EPN2: variants seen among roughly 807,000 people sequenced by gnomAD.
The protein encoded by EPN2 is epsin 2.
In EPN2, 34 loss-of-function variants were observed where a neutral mutation model predicts 61.7. The ratio of observed to expected loss-of-function variants is 0.55; its 90% confidence interval spans 0.42 to 0.73. The LOEUF (loss-of-function observed/expected upper bound fraction) is 0.73, where lower values mean the gene tolerates loss of function less well. Ranked by LOEUF, EPN2 falls within the 30% of genes least tolerant of loss-of-function variation. The pLI is 0.00. For synonymous variants in EPN2, 349 were observed against 353.6 expected (o/e 0.99, Z 0.15); for missense variants, 714 against 839.2 (o/e 0.85, Z 1.84).
Position 19,333,961 on chromosome 17 carries a change from C to G in EPN2, c.1633C>G (p.Pro545Ala). The G allele has an allele frequency of 6.5e-7, 1 of 1,538,716 alleles. No individual in the cohort carries two copies. The highest frequency in any genetic ancestry group is 1.3e-5 in the South Asian group (1 of 78,820). The change falls in exon 11 of 11, where the codon CCC becomes GCC. Residue 545 changes from proline to alanine, a missense_variant. This residue lies in a region of EPN2 where 410 missense variants were observed against 421.8 expected (regional missense o/e 0.97). Transcript: ENST00000314728. ...CCCTCCTTCTGTCTCCCCAGGTGCT[C>G]CCGCCACCTCGGCCCCTGTTAACCC... ...SLNPFLAPGA[P>A]ATSAPVNPFQ...
Position 19,334,221 on chromosome 17 carries a change from G to A in EPN2, c.1893G>A (p.Gln631=). 1 of 1,503,776 alleles carries A rather than the reference G, an allele frequency of 6.6e-7. No homozygotes were observed. Among genetic ancestry groups the A allele is most frequent in the South Asian group, 1.3e-5 (1 of 75,592 alleles). 93.2% of individuals were successfully genotyped at this position (1,503,776 alleles called of 1,614,324 possible). A position where few individuals can be genotyped will look rare whatever the true frequency, so the allele number is the denominator to read the frequency against. Residue 631 remains glutamine, a synonymous_variant, in exon 11 of 11, where the codon CAG becomes CAA. Transcript: ENST00000314728. This position sits in a 1 kb window ranked among gnomAD's most constrained non-coding sequence, Gnocchi z 4.9. ...GSVGIPPSAA[Q]ATGTTNPFLL is the part of the protein sequence containing the mutation. ...TGGGTATACCCCCATCAGCAGCCCA[G>A]GCCACTGGCACAACCAACCCTTTCC...
chr17:19,259,799 C>T (rs955656305), intron 1 of EPN2, among the ~76,000 whole-genome samples: 2 of 152,184 alleles, frequency 1.3e-5, no homozygotes, highest in Non-Finnish European at 2.9e-5. Context: ...AGAGAGCGAC[C>T]CCTCGCTCCT....
chr17:19,259,774 C>CGCCCAT (rs2045120840), intron 1 of EPN2, among the ~76,000 whole-genome samples: 1 of 152,184 alleles, frequency 6.6e-6, no homozygotes, highest in Non-Finnish European at 1.5e-5. Flanking sequence ...GGACTTTGTT[C>CGCCCAT]GCAGATGGGC....
intron 1 of EPN2, among the ~76,000 whole-genome samples, chr17:19,264,666 A>G (rs1283860508): frequency 6.6e-6 from 1 of 152,126 alleles, no homozygotes; most frequent in Non-Finnish European, 1.5e-5. Flanking sequence ...CAGTGAGGGC[A>G]TTTGTGGTTT....
chr17:19,318,474 C>T (rs1373813667), intron 7 of EPN2, among the ~76,000 whole-genome samples: 8 of 138,532 alleles, frequency 5.8e-5, no homozygotes, highest in Non-Finnish European at 9.1e-5. Flanking sequence ...CGCTTGAACC[C>T]GGGAGGCGGA....
intron 1 of EPN2, chr17:19,276,543 A>G (rs1448626060): frequency 6.6e-6 from 1 of 151,830 alleles, no homozygotes; most frequent in South Asian, 2.1e-4. Context: ...TGGAAGGTAC[A>G]GAAAGGTTTG....
intron 4 of EPN2, among the ~76,000 whole-genome samples, chr17:19,306,467 CAG>C (rs549851555): frequency 2.0e-5 from 3 of 152,244 alleles, no homozygotes; most frequent in Non-Finnish European, 2.9e-5. Context: ...CCACAACATT[CAG>C]GGGAATACCC....
chr17:19,248,798 A>G (rs2044981018), intron 1 of EPN2, among the ~76,000 whole-genome samples: 2 of 152,222 alleles, frequency 1.3e-5, no homozygotes, highest in Non-Finnish European at 1.5e-5. Context: ...CTCAGTAACA[A>G]GTAATATTAG....
At chr17:19,327,107 A>G (rs989059545) in intron 7 of EPN2, among the ~76,000 whole-genome samples, 1 of 152,162 alleles carries the variant, frequency 6.6e-6, no homozygotes, top group Non-Finnish European at 1.5e-5. Context: ...TGGAACATAA[A>G]CTCGTGCCAC....
chr17:19,254,839 C>G (rs143679587), intron 1 of EPN2, among the ~76,000 whole-genome samples: 1 of 152,168 alleles, frequency 6.6e-6, no homozygotes, highest in East Asian at 1.9e-4. Flanking sequence ...GCTTGTTTTC[C>G]TGGATACCAA....
chr17:19,289,065 T>C (rs1567855659), intron 4 of EPN2, among the ~76,000 whole-genome samples: 2 of 147,346 alleles, frequency 1.4e-5, no homozygotes, highest in Non-Finnish European at 3.0e-5. Flanking sequence ...GTAGCCAGGT[T>C]CTGGGTATGT....
intron 4 of EPN2, among the ~76,000 whole-genome samples, chr17:19,298,000 C>T (rs574901790): frequency 6.6e-6 from 1 of 152,090 alleles, no homozygotes; most frequent in Non-Finnish European, 1.5e-5. Context: ...CCCAGCCTCC[C>T]GAGTAGCTGG....
At position 19,335,320 on chromosome 17, in the gene EPN2, A is replaced by C. The variant is rs1319083148; in HGVS notation, c.*1066A>C. ...AGGCTATTTTTCTTACGAATATACC[A>C]ACATCCTGAAAGTTAAAGAAAAAAA... On this transcript the variant is annotated 3_prime_UTR_variant, in exon 11 of 11. Coordinates refer to ENST00000314728, the MANE Select transcript of EPN2 (RefSeq NM_014964.5). The C allele has an allele frequency of 7.2e-7, 1 of 1,387,906 alleles. No homozygotes were observed. Among genetic ancestry groups the C allele is most frequent in the African/African-American group, 1.4e-5 (1 of 69,300 alleles). The allele number at this position is 1,387,906 out of a possible 1,614,324, so 86.0% of individuals were successfully genotyped here.
intron 7 of EPN2, among the ~76,000 whole-genome samples, chr17:19,322,329 G>A (rs1906676934): frequency 6.6e-6 from 1 of 152,118 alleles, no homozygotes; most frequent in African/African-American, 2.4e-5. Flanking sequence ...GCCTGGCCAG[G>A]CCCCCATCGC....
At chr17:19,308,543 T>G in intron 4 of EPN2, 1 of 985,342 alleles carries the variant, frequency 1.0e-6, no homozygotes, top group Non-Finnish European at 1.2e-6. Flanking sequence ...GTGCAGAGTC[T>G]GACACAGCAT....
In EPN2 at chr17:19,285,717, G is replaced by A. The variant is rs748135001; in HGVS notation, c.693G>A (p.Pro231=). 7.4e-5 allele frequency: 119 copies of A among 1,605,290 alleles called. No homozygotes were observed. The highest frequency in any genetic ancestry group is 1.1e-4 in the South Asian group (10 of 89,448). ...TGAGCCAGCGCCACCCCTTCCTGCC[G>A]CACCTGGGGCTGGCCTCCCGCCCAA... ...QPLSQRHPFL[P]HLGLASRPNG... is the part of the protein sequence containing the mutation. The change falls in exon 4 of 11, where the codon CCG becomes CCA. Residue 231 remains proline, a synonymous_variant. Coordinates refer to ENST00000314728, the MANE Select transcript of EPN2 (RefSeq NM_014964.5). The surrounding 1 kb of genome is among the most constrained non-coding windows in gnomAD (Gnocchi z 4.5).
At chr17:19,278,071 C>CAA (rs141413016) in intron 1 of EPN2, among the ~76,000 whole-genome samples, 7,975 of 134,228 alleles carry the variant, frequency 0.059, 436 homozygotes, top group South Asian at 0.19. Context: ...GACTATGTCT[C>CAA]AAAAAAAAAA....
intron 1 of EPN2, among the ~76,000 whole-genome samples, chr17:19,253,410 C>CTTTT (rs59492982): frequency 2.7e-4 from 27 of 101,848 alleles, no homozygotes; most frequent in Non-Finnish European, 4.4e-4. Flanking sequence ...TAAATAGTTG[C>CTTTT]TTTTTTTTTT....
chr17:19,257,604 G>A (rs184472059), intron 1 of EPN2, among the ~76,000 whole-genome samples: 3 of 150,288 alleles, frequency 2.0e-5, no homozygotes, highest in Non-Finnish European at 1.5e-5. Flanking sequence ...TGCAACTGCC[G>A]CCTCCCGGGT....
Sources: gnomAD v4.1 joint callset for allele counts (sites outside exome capture counted in the v4.1 genomes callset) on GRCh38, gnomAD v4.1.1 for gene constraint, gnomAD v4.1.1 regional missense constraint, Gnocchi (gnomAD v3.1) non-coding constraint, MANE v1.5 for transcripts, NCBI Gene and HGNC (gene_info 2026-07-23, HGNC 2026-07-21) for gene names.